The following TNKS2 variants were observed in gnomAD, a reference collection of about 807,000 sequenced individuals.
TNKS2 encodes the protein poly [ADP-ribose] polymerase tankyrase-2.
In TNKS2, 72 loss-of-function variants were observed where a neutral mutation model predicts 137.6. That is an observed-to-expected ratio of 0.52 (90% confidence interval 0.43 to 0.64). The LOEUF is 0.64. Among genes scored for constraint, TNKS2 ranks in the 30% least tolerant of loss-of-function variants. The pLI, the probability that TNKS2 is intolerant of heterozygous loss-of-function variation, is 0.00. For synonymous variants in TNKS2, 516 were observed against 512.1 expected, an observed-to-expected ratio of 1.01 and a Z score of -0.10; for missense variants, 1,049 against 1,410.2, an observed-to-expected ratio of 0.74 and a Z score of 4.10.
chr10:91,806,434 T>A (rs545330653), intron 1 of TNKS2, among the ~76,000 whole-genome samples: 74 of 152,250 alleles, frequency 4.9e-4, no homozygotes, highest in Non-Finnish European at 8.4e-4. Flanking sequence ...AAATATGTAG[T>A]AAATATTTCT....
At chr10:91,854,034 A>G (rs1842631945) in intron 21 of TNKS2, among the ~76,000 whole-genome samples, 1 of 152,240 alleles carries the variant, frequency 6.6e-6, no homozygotes, top group African/African-American at 2.4e-5. Context: ...AAAAATAGAT[A>G]TGATTATCTT....
At chr10:91,843,983 G>A (rs969973116) in intron 16 of TNKS2, among the ~76,000 whole-genome samples, 2 of 152,176 alleles carry the variant, frequency 1.3e-5, no homozygotes, top group African/African-American at 2.4e-5. Flanking sequence ...ATGCTAACAT[G>A]GTGAGAAAAA....
intron 13 of TNKS2, among the ~76,000 whole-genome samples, chr10:91,837,210 A>C (rs867366022): frequency 1.3e-5 from 2 of 152,248 alleles, no homozygotes; most frequent in African/African-American, 4.8e-5. Context: ...TGAATATTAC[A>C]TTCACAAATA....
chr10:91,799,823 T>A (rs1844103902), intron 1 of TNKS2, among the ~76,000 whole-genome samples: 1 of 152,246 alleles, frequency 6.6e-6, no homozygotes, highest in South Asian at 2.1e-4. Flanking sequence ...GTACCTCCTC[T>A]TACCTCTGAC....
At chr10:91,836,377 A>G (rs1029098348) in intron 12 of TNKS2, among the ~76,000 whole-genome samples, 10 of 152,078 alleles carry the variant, frequency 6.6e-5, no homozygotes, top group African/African-American at 2.2e-4. Flanking sequence ...ACTTTGTTCT[A>G]AGGTGCAAGG....
chr10:91,835,626 A>C (rs375413834), intron 12 of TNKS2, among the ~76,000 whole-genome samples: 26 of 68,170 alleles, frequency 3.8e-4, no homozygotes, highest in Non-Finnish European at 5.5e-4. Flanking sequence ...TTTTTCTTTT[A>C]TTTTATTTAT....
intron 1 of TNKS2, chr10:91,807,066 A>G (rs1450927502): frequency 7.5e-7 from 1 of 1,325,992 alleles, no homozygotes; most frequent in Non-Finnish European, 1.0e-6. Flanking sequence ...AATGACCTCT[A>G]AGCTTCTGAA....
chr10:91,857,716 G>A (rs1842749653), intron 24 of TNKS2, among the ~76,000 whole-genome samples, 186 bp downstream of exon 24: 1 of 152,202 alleles, frequency 6.6e-6, no homozygotes, highest in East Asian at 1.9e-4. Flanking sequence ...ATAATGGATT[G>A]TTTTTAAATA....
chr10:91,808,454 C>G (rs1340685631), intron 1 of TNKS2, among the ~76,000 whole-genome samples: 1 of 152,062 alleles, frequency 6.6e-6, no homozygotes, highest in African/African-American at 2.4e-5. Context: ...GAATTTTATT[C>G]TGAGAGCATC....
intron 24 of TNKS2, 24 bp from the exon 25 acceptor site, chr10:91,859,438 G>T: frequency 1.4e-6 from 2 of 1,439,712 alleles, no homozygotes; most frequent in South Asian, 1.7e-5. Context: ...TTAAATTATT[G>T]TTACCCATCT....
intron 7 of TNKS2, among the ~76,000 whole-genome samples, chr10:91,823,026 G>A (rs1442741851): frequency 2.0e-5 from 3 of 148,984 alleles, no homozygotes; most frequent in Non-Finnish European, 3.0e-5. Flanking sequence ...GCACTCCAGC[G>A]CAGGCAAGAG....
chr10:91,807,982 C>T (rs1470574101), intron 1 of TNKS2, among the ~76,000 whole-genome samples: 1 of 123,800 alleles, frequency 8.1e-6, no homozygotes, highest in East Asian at 2.4e-4. Context: ...GGGGACAGAG[C>T]GAGACTCTGT....
chr10:91,815,988 G>A (rs1291483867), intron 2 of TNKS2, among the ~76,000 whole-genome samples: 1 of 129,874 alleles, frequency 7.7e-6, no homozygotes, highest in Non-Finnish European at 1.5e-5. Flanking sequence ...TTGCACTGTC[G>A]CCTAGGCTGG....
intron 11 of TNKS2, among the ~76,000 whole-genome samples, 183 bp downstream of exon 11, chr10:91,831,364 A>G (rs780797421): frequency 6.6e-6 from 1 of 152,130 alleles, no homozygotes. Flanking sequence ...TAGAACATCT[A>G]TGGGTTTATT....
At chr10:91,825,919 C>T (rs1410588935) in intron 7 of TNKS2, among the ~76,000 whole-genome samples, 1 of 152,212 alleles carries the variant, frequency 6.6e-6, no homozygotes, top group Admixed American at 6.5e-5. Context: ...GACTCTTTGA[C>T]ATTTTCTAAT....
At chr10:91,802,547 C>T (rs1019592186) in intron 1 of TNKS2, among the ~76,000 whole-genome samples, 12 of 152,122 alleles carry the variant, frequency 7.9e-5, no homozygotes, top group Non-Finnish European at 1.5e-4. Context: ...CAGCCTAGTT[C>T]GACCAACAGG....
At chr10:91,862,848 C>T (rs1370368682) in intron 26 of TNKS2, 89 bp from the exon 27 acceptor site, 2 of 852,524 alleles carry the variant, frequency 2.3e-6, no homozygotes, top group African/African-American at 3.4e-5. Flanking sequence ...TTAGAACCTC[C>T]TCCCTAAGAT....
intron 17 of TNKS2, 69 bp downstream of exon 17, chr10:91,845,097 A>G (rs939055129): frequency 3.1e-6 from 3 of 968,614 alleles, no homozygotes; most frequent in Non-Finnish European, 4.8e-6. Context: ...TGCAGCTCAA[A>G]TGGAATGTAG....
At chr10:91,815,435 C>A (rs1311389929) in intron 2 of TNKS2, among the ~76,000 whole-genome samples, 4 of 151,926 alleles carry the variant, frequency 2.6e-5, no homozygotes, top group Non-Finnish European at 4.4e-5. Flanking sequence ...AACTCTGGTA[C>A]CTCAGAATCT....
Sources: allele counts gnomAD v4.1 joint callset (sites outside exome capture counted in the v4.1 genomes callset), GRCh38; gene constraint gnomAD v4.1.1; transcripts MANE v1.5; gene names NCBI Gene and HGNC (gene_info 2026-07-23, HGNC 2026-07-21).